The following LGR6 variants were observed in gnomAD, a reference collection of about 807,000 sequenced individuals.
LGR6 encodes the protein leucine-rich repeat-containing G protein-coupled receptor 6.
LGR6 carries 45 observed loss-of-function variants against 69.4 expected under a neutral mutation model. The ratio of observed to expected loss-of-function variants is 0.65; its 90% confidence interval spans 0.51 to 0.83. The LOEUF (loss-of-function observed/expected upper bound fraction) is 0.83. Among genes scored for constraint, LGR6 ranks in the 40% least tolerant of loss-of-function variants. LGR6 has a pLI of 0.00. For missense variants in LGR6, 1,108 were observed against 1,246.7 expected, an observed-to-expected ratio of 0.89 and a Z score of 1.68; for synonymous variants, 538 against 555.0, an observed-to-expected ratio of 0.97 and a Z score of 0.43.
intron 4 of LGR6, among the ~76,000 whole-genome samples, chr1:202,237,346 G>A (rs963998577): frequency 2.4e-4 from 37 of 152,370 alleles, no homozygotes; most frequent in African/African-American, 8.2e-4. Flanking sequence ...ACCCGCAGGG[G>A]CAGACTAAAC....
At chr1:202,246,818 C>T (rs1433410221) in intron 4 of LGR6, among the ~76,000 whole-genome samples, 3 of 152,158 alleles carry the variant, frequency 2.0e-5, no homozygotes, top group Admixed American at 1.3e-4. Flanking sequence ...ACTATGTTAC[C>T]AGGCTCTAGG....
intron 4 of LGR6, among the ~76,000 whole-genome samples, chr1:202,272,418 T>C (rs1420263372): frequency 1.3e-5 from 2 of 152,140 alleles, no homozygotes; most frequent in African/African-American, 4.8e-5. Context: ...TTTTCTTCCT[T>C]TTCTCCTTTG....
intron 12 of LGR6, 33 bp downstream of exon 12, chr1:202,305,782 G>T: frequency 6.3e-7 from 1 of 1,591,086 alleles, no homozygotes; most frequent in South Asian, 1.1e-5. Flanking sequence ...GCAAAAGCAC[G>T]CCAGCCAGAC....
At chr1:202,272,110 G>T (rs1223360236) in intron 4 of LGR6, among the ~76,000 whole-genome samples, 1 of 152,142 alleles carries the variant, frequency 6.6e-6, no homozygotes, top group East Asian at 1.9e-4. Context: ...TACAAATGTT[G>T]CATGGGACTT....
intron 7 of LGR6, among the ~76,000 whole-genome samples, chr1:202,300,588 G>A (rs1156840672): frequency 6.6e-6 from 1 of 151,588 alleles, no homozygotes; most frequent in Non-Finnish European, 1.5e-5. Context: ...CCAGGAAGTC[G>A]AGGCTGCACT....
intron 6 of LGR6, among the ~76,000 whole-genome samples, chr1:202,295,733 A>G (rs1245844634): frequency 6.6e-6 from 1 of 152,178 alleles, no homozygotes; most frequent in African/African-American, 2.4e-5. Flanking sequence ...TCTGTGAGCA[A>G]ATCAACAAGG....
chr1:202,242,021 G>T (rs1201137210), intron 4 of LGR6, among the ~76,000 whole-genome samples: 1 of 152,202 alleles, frequency 6.6e-6, no homozygotes, highest in Non-Finnish European at 1.5e-5. Context: ...GAAAAAGGTG[G>T]AGAAGCCAGG....
Position 202,203,873 on chromosome 1 carries a change from C to T in LGR6, c.212+9672C>T, listed in dbSNP as rs759269722. On this transcript the variant is annotated intron_variant, in intron 1 of 17. Coordinates refer to ENST00000367278, the MANE Select transcript of LGR6 (RefSeq NM_001017403.2). ...GTCAAGTGTCAATAATCATCTCTGC[C>T]CGGTGAGTTGTTGCATGAAGCAAGA... 4.3e-6 allele frequency: 7 copies of T among 1,612,260 alleles called. No homozygotes were observed. The Admixed American group carries it at 1.2e-4, about 27-fold the overall frequency.
At chr1:202,298,839 C>T (rs1667366155) in intron 7 of LGR6, among the ~76,000 whole-genome samples, 1 of 151,994 alleles carries the variant, frequency 6.6e-6, no homozygotes, top group Non-Finnish European at 1.5e-5. Flanking sequence ...ATCTTTATAG[C>T]TCAAACCACC....
intron 4 of LGR6, among the ~76,000 whole-genome samples, chr1:202,270,265 A>G (rs12127963): frequency 0.11 from 15,987 of 150,580 alleles, 1,035 homozygotes; most frequent in Middle Eastern, 0.21. Flanking sequence ...TTTTTGAGAC[A>G]GAGTTTTGCT....
chr1:202,314,764 AGACCCAG>A (rs1654013477), intron 16 of LGR6, 31 bp from the exon 17 acceptor site: 1 of 1,503,252 alleles, frequency 6.7e-7, no homozygotes, highest in Non-Finnish European at 9.3e-7. Flanking sequence ...ACTGACACCA[AGACCCAG>A]GACCCTGCAT....
intron 1 of LGR6, among the ~76,000 whole-genome samples, chr1:202,208,402 AGG>A (rs1659336333): frequency 7.4e-6 from 1 of 134,734 alleles, no homozygotes; most frequent in South Asian, 2.2e-4. Flanking sequence ...GAGGAGAAGG[AGG>A]GGGGAGAGAG....
At chr1:202,197,373 T>G in intron 1 of LGR6, 1 of 532,362 alleles carries the variant, frequency 1.9e-6, no homozygotes, top group Non-Finnish European at 3.9e-6. Flanking sequence ...TGATCAAGGT[T>G]GGGAAGACGG....
At chr1:202,207,971 T>C (rs1355545259) in intron 1 of LGR6, among the ~76,000 whole-genome samples, 1 of 152,242 alleles carries the variant, frequency 6.6e-6, no homozygotes, top group African/African-American at 2.4e-5. Flanking sequence ...AGATAAATTC[T>C]TAGTAACGCC....
At chr1:202,275,522 C>T (rs1665476436) in intron 4 of LGR6, among the ~76,000 whole-genome samples, 1 of 152,154 alleles carries the variant, frequency 6.6e-6, no homozygotes, top group African/African-American at 2.4e-5. Context: ...CAAGCAGGAT[C>T]ACCCACCATC....
At chr1:202,276,274 G>A in intron 4 of LGR6, 32 bp from the exon 5 acceptor site, 1 of 1,583,128 alleles carries the variant, frequency 6.3e-7, no homozygotes, top group Non-Finnish European at 8.7e-7. Context: ...TCTTGCCCTG[G>A]ATTGACCCCT....
chr1:202,253,831 A>G (rs1571902550), intron 4 of LGR6, among the ~76,000 whole-genome samples: 2 of 80,004 alleles, frequency 2.5e-5, no homozygotes, highest in South Asian at 5.0e-4. Context: ...TTTGAGACGG[A>G]GTCTCGCTCT....
intron 4 of LGR6, among the ~76,000 whole-genome samples, chr1:202,264,093 G>T (rs1664454977): frequency 6.6e-6 from 1 of 152,134 alleles, no homozygotes; most frequent in Admixed American, 6.5e-5. Flanking sequence ...CTGGGGAGGG[G>T]AGGGTTGAAA....
intron 14 of LGR6, among the ~76,000 whole-genome samples, chr1:202,308,378 C>T (rs1431328551): frequency 6.6e-6 from 1 of 152,170 alleles, no homozygotes; most frequent in African/African-American, 2.4e-5. Context: ...GGTTACACAG[C>T]GAGTTGGTGA....
Sources: gnomAD v4.1 joint callset for allele counts (sites outside exome capture counted in the v4.1 genomes callset) on GRCh38, gnomAD v4.1.1 for gene constraint, MANE v1.5 for transcripts, NCBI Gene and HGNC (gene_info 2026-07-23, HGNC 2026-07-21) for gene names.